SLC16A10: variants seen among roughly 807,000 people sequenced by gnomAD.
SLC16A10 encodes monocarboxylate transporter 10.
A neutral mutation model predicts 40.0 loss-of-function variants in SLC16A10; 27 were observed. The observed-to-expected ratio is 0.67, with a 90% CI of 0.50 to 0.93. The LOEUF is 0.93. Among genes scored for constraint, SLC16A10 ranks in the 40% least tolerant of loss-of-function variants. SLC16A10 has a pLI of 0.00. For missense variants in SLC16A10, 529 were observed against 658.2 expected (o/e 0.80, Z 2.15); for synonymous variants, 213 against 249.8 (o/e 0.85, Z 1.39).
At chr6:111,191,472 A>G (rs1265858728) in intron 3 of SLC16A10, among the ~76,000 whole-genome samples, 8 of 152,190 alleles carry the variant, frequency 5.3e-5, no homozygotes, top group Non-Finnish European at 1.0e-4. Context: ...TAGTGCTGCA[A>G]TAAACATATG....
At chr6:111,184,692 G>A (rs746779842) in intron 3 of SLC16A10, among the ~76,000 whole-genome samples, 1 of 152,058 alleles carries the variant, frequency 6.6e-6, no homozygotes, top group Non-Finnish European at 1.5e-5. Context: ...TGTTGGCCAG[G>A]TTGGTCTCAA....
At chr6:111,148,378 TAGTA>T (rs1443101780) in intron 1 of SLC16A10, among the ~76,000 whole-genome samples, 1 of 152,180 alleles carries the variant, frequency 6.6e-6, no homozygotes, top group Non-Finnish European at 1.5e-5. Flanking sequence ...TGCTATTCAA[TAGTA>T]AGTAACTCCC....
intron 1 of SLC16A10, among the ~76,000 whole-genome samples, chr6:111,133,946 T>A (rs1173426166): frequency 3.3e-5 from 5 of 152,254 alleles, no homozygotes; most frequent in Non-Finnish European, 7.3e-5. Flanking sequence ...CCCTGATGGC[T>A]ATATTGATGT....
At chr6:111,162,913 A>G (rs1772396396) in intron 1 of SLC16A10, among the ~76,000 whole-genome samples, 1 of 152,010 alleles carries the variant, frequency 6.6e-6, no homozygotes, top group Non-Finnish European at 1.5e-5. Context: ...TCAGCTCTTC[A>G]TGAGTCCTGT....
chr6:111,090,607 C>A (rs1252181996), intron 1 of SLC16A10, among the ~76,000 whole-genome samples: 2 of 152,148 alleles, frequency 1.3e-5, no homozygotes, highest in African/African-American at 4.8e-5. Flanking sequence ...CCCCTGTCCC[C>A]TACCCCTTTC....
At position 111,227,273 on chromosome 6, in the gene SLC16A10, T is replaced by C. The variant is rs1412070835; in HGVS notation, c.*5038T>C. 1 of 152,252 alleles carries C rather than the reference T, an allele frequency of 6.6e-6. No homozygotes were observed. The highest frequency in any genetic ancestry group is 1.5e-5 in the Non-Finnish European group (1 of 68,052). 9.4% of individuals were successfully genotyped at this position (152,252 alleles called of 1,614,324 possible). A position where few individuals can be genotyped will look rare whatever the true frequency, so the allele number is the denominator to read the frequency against. On this transcript the variant is annotated 3_prime_UTR_variant, in exon 6 of 6. Transcript: ENST00000368851. The stretch of plus-strand genomic sequence containing the variant: ...AGACAAGCAGGCCCTGGGCTCACTA[T>C]AATTTCATAGCCACGACCTGTTTAT...
Position 111,228,556 on chromosome 6 carries a change from G to A in SLC16A10, c.*6321G>A, listed in dbSNP as rs559851346. Reference sequence around the variant, plus strand: ...GTAATACTATTTTGGAGCCTGTGATGTATGACTTTTATTCTTTACTAGATA... The same window carrying A: ...GTAATACTATTTTGGAGCCTGTGATATATGACTTTTATTCTTTACTAGATA... On this transcript the variant is annotated 3_prime_UTR_variant, in exon 6 of 6. Transcript: ENST00000368851. 1.3e-5 allele frequency: 2 copies of A among 152,246 alleles called. No homozygotes were observed. The highest frequency in any genetic ancestry group is 4.2e-4 in the South Asian group (2 of 4,816). 9.4% of individuals were successfully genotyped at this position (152,246 alleles called of 1,614,324 possible).
chr6:111,128,971 TTTA>T (rs918685281), intron 1 of SLC16A10, among the ~76,000 whole-genome samples: 4 of 125,186 alleles, frequency 3.2e-5, no homozygotes, highest in African/African-American at 1.0e-4. Context: ...TTTCAATTGT[TTTA>T]TTTTTTCATA....
chr6:111,088,134 C>T lies in SLC16A10; in HGVS notation c.343+39C>T, dbSNP rs540533892. 1.9e-6 allele frequency: 3 copies of T among 1,575,448 alleles called. No individual in the cohort carries two copies. The African/African-American group carries it at 4.2e-5, about 22-fold the overall frequency. ...CCCGCCGAGGCCAGCCTGGGCGACCCGCGTGGGGCCCCCGAGCGCATCCCG... is the reference window on the plus strand; with the variant it reads ...CCCGCCGAGGCCAGCCTGGGCGACCTGCGTGGGGCCCCCGAGCGCATCCCG... On this transcript the variant is annotated intron_variant, in intron 1 of 5. Coordinates refer to ENST00000368851, the MANE Select transcript of SLC16A10 (RefSeq NM_018593.5).
At chr6:111,117,395 A>G (rs1389975520) in intron 1 of SLC16A10, among the ~76,000 whole-genome samples, 1 of 150,684 alleles carries the variant, frequency 6.6e-6, no homozygotes, top group Middle Eastern at 3.2e-3. Flanking sequence ...GTCAAAGCCA[A>G]TGTGCACGTT....
At chr6:111,100,977 T>TCC (rs1295500119) in intron 1 of SLC16A10, among the ~76,000 whole-genome samples, 22 of 123,610 alleles carry the variant, frequency 1.8e-4, no homozygotes, top group African/African-American at 7.4e-4. Flanking sequence ...TCTCTCTCTC[T>TCC]CTCTCTCTCT....
chr6:111,089,837 TA>T (rs1770940785), intron 1 of SLC16A10, among the ~76,000 whole-genome samples: 1 of 149,042 alleles, frequency 6.7e-6, no homozygotes, highest in African/African-American at 2.5e-5. Context: ...GCAGTCAAGA[TA>T]ACAGCAGTCT....
In SLC16A10 at chr6:111,206,750, C is replaced by CT. The variant is rs34277174; in HGVS notation, c.1086+21dup. The CT allele has an allele frequency of 2.5e-6, 4 of 1,604,224 alleles. No homozygotes were observed. ...TTTATCTACAGGTACTTTTTTACAC[C>CT]TTTTTTCCCCTATCAAAAATTACTC... is the stretch of plus-strand genomic sequence containing the variant. On this transcript the variant is annotated intron_variant, in intron 4 of 5. Coordinates refer to ENST00000368851, the MANE Select transcript of SLC16A10 (RefSeq NM_018593.5).
intron 1 of SLC16A10, among the ~76,000 whole-genome samples, chr6:111,152,724 C>T (rs1772194298): frequency 6.6e-6 from 1 of 152,160 alleles, no homozygotes; most frequent in African/African-American, 2.4e-5. Context: ...AGAGGAATGC[C>T]TTATTGTGGA....
intron 1 of SLC16A10, among the ~76,000 whole-genome samples, chr6:111,123,927 A>G (rs960140928): frequency 3.9e-5 from 6 of 152,112 alleles, no homozygotes; most frequent in African/African-American, 1.4e-4. Flanking sequence ...TAAAATTTTC[A>G]AGAATCCCCA....
chr6:111,124,833 A>G (rs1343480190), intron 1 of SLC16A10, among the ~76,000 whole-genome samples: 1 of 152,260 alleles, frequency 6.6e-6, no homozygotes, highest in Non-Finnish European at 1.5e-5. Flanking sequence ...AAATGTTTAT[A>G]GATCTGCTTA....
At chr6:111,094,810 A>C (rs1011070891) in intron 1 of SLC16A10, among the ~76,000 whole-genome samples, 10 of 152,100 alleles carry the variant, frequency 6.6e-5, no homozygotes, top group African/African-American at 2.2e-4. Context: ...GCTAATTAAA[A>C]AAAATTTTTA....
chr6:111,208,548 A>G (rs1181264855), intron 4 of SLC16A10, among the ~76,000 whole-genome samples: 3 of 152,184 alleles, frequency 2.0e-5, no homozygotes, highest in East Asian at 3.9e-4. Flanking sequence ...ACTGCACTCC[A>G]GCCTGGGTGA....
chr6:111,100,980 CTCTCTCTCTCTCTATATATATA>C (rs1771170705), intron 1 of SLC16A10, among the ~76,000 whole-genome samples: 1 of 120,064 alleles, frequency 8.3e-6, no homozygotes, highest in African/African-American at 3.7e-5. Context: ...CTCTCTCTCT[CTCTCTCTCTCTCTATATATATA>C]TATATATATA....
Sources: gnomAD v4.1 joint callset for allele counts (sites outside exome capture counted in the v4.1 genomes callset) on GRCh38, gnomAD v4.1.1 for gene constraint, MANE v1.5 for transcripts, NCBI Gene and HGNC (gene_info 2026-07-23, HGNC 2026-07-21) for gene names.